The following SLC38A8 variants were observed in gnomAD, a reference collection of about 807,000 sequenced individuals.
SLC38A8 encodes the protein solute carrier family 38 member 8, also known as amino acid transporter SLC38A8.
SLC38A8 carries 65 observed loss-of-function variants against 46.0 expected under a neutral mutation model. That is an observed-to-expected ratio of 1.41 (90% CI 1.16 to 1.74). SLC38A8 has a LOEUF of 1.74. Ranked by LOEUF, SLC38A8 falls within the 40% of genes most tolerant of loss-of-function variation. The probability of loss-of-function intolerance (pLI) is 0.00; values close to 1 mark genes in which losing one functional copy is unlikely to be tolerated. For synonymous variants in SLC38A8, 447 were observed against 243.7 expected, an observed-to-expected ratio of 1.83 and a Z score of -7.77; for missense variants, 998 against 567.9, an observed-to-expected ratio of 1.76 and a Z score of -7.70.
chr16:84,042,199 A>C, intron 1 of SLC38A8, 40 bp from the exon 2 acceptor site: 1 of 1,558,990 alleles, frequency 6.4e-7, no homozygotes, highest in Non-Finnish European at 8.7e-7. Flanking sequence ...CACAGTCTTC[A>C]CGCTTTCCTC....
At chr16:84,017,920 C>T (rs888297257) in intron 7 of SLC38A8, among the ~76,000 whole-genome samples, 1 of 152,202 alleles carries the variant, frequency 6.6e-6, no homozygotes, top group South Asian at 2.1e-4. Context: ...TACTGAATCA[C>T]TGAGTCACAC....
intron 9 of SLC38A8, among the ~76,000 whole-genome samples, chr16:84,013,432 T>TGTTGTTG (rs1388491648): frequency 8.1e-6 from 1 of 122,868 alleles, no homozygotes; most frequent in African/African-American, 3.3e-5. Flanking sequence ...GTGTTTTTTT[T>TGTTGTTG]TTTTTTTTTT....
intron 3 of SLC38A8, 120 bp downstream of exon 3, chr16:84,036,582 C>T (rs894690658): frequency 6.2e-6 from 7 of 1,136,064 alleles, no homozygotes; most frequent in Non-Finnish European, 7.6e-6. Context: ...AGTGTGGTTT[C>T]AGCCTCTGCT....
chr16:84,027,360 A>AAAACAAACAAAC (rs199701593), intron 6 of SLC38A8, among the ~76,000 whole-genome samples: 24 of 150,356 alleles, frequency 1.6e-4, no homozygotes, highest in Non-Finnish European at 2.4e-4. Flanking sequence ...AAGCAAAATT[A>AAAACAAACAAAC]AAACAAACAA....
intron 7 of SLC38A8, among the ~76,000 whole-genome samples, chr16:84,018,561 ATAACCCATCAGTCCAT>A (rs1466272979): frequency 6.6e-6 from 1 of 152,050 alleles, no homozygotes; most frequent in African/African-American, 2.4e-5. Flanking sequence ...TGCCATGCCC[ATAACCCATCAGTCCAT>A]TAACCCATTA....
intron 3 of SLC38A8, among the ~76,000 whole-genome samples, chr16:84,034,451 G>C (rs1175613485): frequency 6.6e-6 from 1 of 152,206 alleles, no homozygotes; most frequent in Non-Finnish European, 1.5e-5. Flanking sequence ...GGAAAGCACA[G>C]GCGAGTGGGA....
chr16:84,017,365 G>A (rs28669064), intron 7 of SLC38A8, 78 bp from the exon 8 acceptor site: 63 of 1,536,808 alleles, frequency 4.1e-5, no homozygotes, highest in Admixed American at 1.1e-4. Context: ...GACAGACAGC[G>A]CCTGGCTTTA....
At chr16:84,031,621 C>T (rs1380581951) in intron 5 of SLC38A8, among the ~76,000 whole-genome samples, 2 of 152,396 alleles carry the variant, frequency 1.3e-5, no homozygotes, top group East Asian at 1.9e-4. Flanking sequence ...CCCTAGGCCG[C>T]CGCAGCCTTT....
chr16:84,016,871 T>C (rs2151114399), intron 8 of SLC38A8, 144 bp from the exon 9 acceptor site: 2 of 1,082,406 alleles, frequency 1.8e-6, no homozygotes, highest in Non-Finnish European at 2.6e-6. Flanking sequence ...CCAGGAGACC[T>C]TGCCAACCCT....
intron 10 of SLC38A8, among the ~76,000 whole-genome samples, chr16:84,012,635 G>C (rs890411692): frequency 1.3e-5 from 2 of 152,236 alleles, no homozygotes; most frequent in Non-Finnish European, 2.9e-5. Flanking sequence ...ATGGTGTCTG[G>C]CCGGCCATGG....
At chr16:84,025,511 A>G (rs2085152348) in intron 6 of SLC38A8, among the ~76,000 whole-genome samples, 1 of 151,972 alleles carries the variant, frequency 6.6e-6, no homozygotes, top group African/African-American at 2.4e-5. Context: ...TCTCAACCAC[A>G]CGACAACAAC....
intron 6 of SLC38A8, among the ~76,000 whole-genome samples, chr16:84,025,358 T>G (rs993109055): frequency 6.6e-6 from 1 of 152,196 alleles, no homozygotes; most frequent in Non-Finnish European, 1.5e-5. Context: ...TTGCTACTGC[T>G]GGTCCCTCTG....
At chr16:84,012,961 G>C in intron 10 of SLC38A8, 40 bp downstream of exon 10, 2 of 1,604,032 alleles carry the variant, frequency 1.2e-6, no homozygotes, top group Non-Finnish European at 8.5e-7. Flanking sequence ...CTCTGATCCG[G>C]GGCACACCCA....
At chr16:84,041,647 G>T (rs571240614) in intron 2 of SLC38A8, among the ~76,000 whole-genome samples, 1 of 152,312 alleles carries the variant, frequency 6.6e-6, no homozygotes, top group Non-Finnish European at 1.5e-5. Context: ...CAGCAGGCAA[G>T]AAAGAGCAGC....
chr16:84,012,246 A>C (rs2084963337), intron 10 of SLC38A8, among the ~76,000 whole-genome samples: 1 of 152,218 alleles, frequency 6.6e-6, no homozygotes, highest in Non-Finnish European at 1.5e-5. Flanking sequence ...CAGACTACCC[A>C]GGGGCGGCTG....
intron 1 of SLC38A8, 145 bp from the exon 2 acceptor site, chr16:84,042,304 A>C: frequency 1.2e-6 from 1 of 836,542 alleles, no homozygotes; most frequent in Non-Finnish European, 1.8e-6. Context: ...CCCCCTTTCC[A>C]AAGGGTGCTG....
At chr16:84,021,464 C>A (rs1051389551) in intron 7 of SLC38A8, among the ~76,000 whole-genome samples, 3 of 152,202 alleles carry the variant, frequency 2.0e-5, no homozygotes, top group African/African-American at 7.2e-5. Flanking sequence ...TCCTTTACTC[C>A]AGCTTCCAAA....
chr16:84,031,759 C>A, intron 5 of SLC38A8, 108 bp downstream of exon 5: 1 of 903,914 alleles, frequency 1.1e-6, no homozygotes, highest in South Asian at 1.5e-5. Flanking sequence ...GGAAGGAGCC[C>A]AGGCTCTGCA....
chr16:84,013,159 C>T (rs984590706), intron 9 of SLC38A8, 107 bp from the exon 10 acceptor site: 16 of 1,256,546 alleles, frequency 1.3e-5, no homozygotes, highest in Admixed American at 8.6e-5. Context: ...AAGGCCTCCG[C>T]CCATGGGTGC....
Sources: allele counts gnomAD v4.1 joint callset (sites outside exome capture counted in the v4.1 genomes callset), GRCh38; gene constraint gnomAD v4.1.1; transcripts MANE v1.5; gene names NCBI Gene and HGNC (gene_info 2026-07-23, HGNC 2026-07-21).